The following NLRP14 variants were observed in gnomAD, a reference collection of about 807,000 sequenced individuals.
NLRP14 encodes NLR family pyrin domain containing 14.
A neutral mutation model predicts 94.7 loss-of-function variants in NLRP14; 105 were observed. The ratio of observed to expected loss-of-function variants is 1.11; its 90% CI spans 0.95 to 1.30. The LOEUF (loss-of-function observed/expected upper bound fraction) is 1.30, where lower values mean the gene tolerates loss of function less well. Ranked by LOEUF, NLRP14 falls within the 50% of genes most tolerant of loss-of-function variation. The pLI, the probability that NLRP14 is intolerant of heterozygous loss-of-function variation, is 0.00. For missense variants in NLRP14, 1,362 were observed against 1,254.1 expected, an observed-to-expected ratio of 1.09 and a Z score of -1.30; for synonymous variants, 508 against 459.9, an observed-to-expected ratio of 1.10 and a Z score of -1.34.
chr11:7,060,034 G>A lies in NLRP14; in HGVS notation c.2774G>A (p.Arg925Gln), dbSNP rs371450991. Residue 925 changes from arginine to glutamine, a missense_variant, in exon 9 of 12, where the codon CGG becomes CAG. Transcript: ENST00000299481. The part of the protein sequence containing the change: ...NGVKLLCDVF[R>Q]HPSCNLQDLE... ...GTGAAGCTTCTGTGTGATGTCTTTC[G>A]GCATCCAAGCTGTAATCTTCAGGAC... is the stretch of plus-strand genomic sequence containing the variant. 8.6e-5 allele frequency: 139 copies of A among 1,612,526 alleles called. No homozygotes were observed. In the Middle Eastern group the frequency reaches 2.0e-3, roughly 23 times the overall value.
chr11:7,050,356 G>A (rs1393740759), intron 6 of NLRP14, among the ~76,000 whole-genome samples: 3 of 152,248 alleles, frequency 2.0e-5, no homozygotes, highest in Middle Eastern at 3.4e-3. Flanking sequence ...GTGCTTGCTG[G>A]CTACCACACA....
At chr11:7,039,357 T>TTATA (rs10533835) in intron 2 of NLRP14, among the ~76,000 whole-genome samples, 1 of 150,626 alleles carries the variant, frequency 6.6e-6, no homozygotes, top group African/African-American at 2.4e-5. Flanking sequence ...GGCTTTAGAG[T>TTATA]TATATATATA....
chr11:7,046,582 C>T, intron 4 of NLRP14, 86 bp from the exon 5 acceptor site: 1 of 1,304,224 alleles, frequency 7.7e-7, no homozygotes, highest in Non-Finnish European at 1.1e-6. Context: ...AGTACACTTA[C>T]TTTTACTCCA....
intron 9 of NLRP14, among the ~76,000 whole-genome samples, chr11:7,061,645 G>A (rs1467469798): frequency 6.6e-6 from 1 of 152,008 alleles, no homozygotes; most frequent in Non-Finnish European, 1.5e-5. Flanking sequence ...TTGTTATAAG[G>A]ATATGACAAC....
intron 1 of NLRP14, among the ~76,000 whole-genome samples, chr11:7,027,407 C>G (rs1325931599): frequency 6.6e-6 from 1 of 151,978 alleles, no homozygotes; most frequent in East Asian, 1.9e-4. Flanking sequence ...TTGTAGAGTC[C>G]TCACATGGCA....
chr11:7,045,482 A>G (rs1000585261), intron 4 of NLRP14, among the ~76,000 whole-genome samples: 1 of 152,214 alleles, frequency 6.6e-6, no homozygotes, highest in African/African-American at 2.4e-5. Context: ...AGTCTCTTCT[A>G]TAATATAACT....
intron 1 of NLRP14, among the ~76,000 whole-genome samples, chr11:7,026,224 C>T (rs961719653): frequency 6.6e-6 from 1 of 152,086 alleles, no homozygotes; most frequent in African/African-American, 2.4e-5. Flanking sequence ...AGGCAACCTA[C>T]AGAATGGGAG....
At chr11:7,076,787 C>A in the NLRP14 span, among the ~76,000 whole-genome samples, 3 of 152,170 alleles carry the variant, frequency 2.0e-5, no homozygotes, top group Admixed American at 6.5e-5. Context: ...AAACCATGAG[C>A]CTTTTCTTCA....
chr11:7,088,612 G>A, the NLRP14 span, among the ~76,000 whole-genome samples: 1 of 151,668 alleles, frequency 6.6e-6, no homozygotes, highest in Non-Finnish European at 1.5e-5. Flanking sequence ...AGATCAGTAA[G>A]GTAAAATTTA....
At chr11:7,089,105 CGT>C in the NLRP14 span, 1 of 1,610,950 alleles carries the variant, frequency 6.2e-7, no homozygotes, top group Non-Finnish European at 8.5e-7. Flanking sequence ...ACTGACCGAC[CGT>C]TCGACCGGCA....
intron 9 of NLRP14, among the ~76,000 whole-genome samples, chr11:7,061,388 A>T (rs1473302311): frequency 6.6e-6 from 1 of 152,076 alleles, no homozygotes; most frequent in Non-Finnish European, 1.5e-5. Context: ...AGTGACCTAT[A>T]TACCCAAGGT....
At chr11:7,044,472 G>T (rs970330022) in intron 4 of NLRP14, among the ~76,000 whole-genome samples, 1 of 152,176 alleles carries the variant, frequency 6.6e-6, no homozygotes, top group Admixed American at 6.5e-5. Flanking sequence ...TTTCTCTATT[G>T]CCCAGACATT....
At chr11:7,025,458 C>A (rs1304752281) in intron 1 of NLRP14, among the ~76,000 whole-genome samples, 1 of 151,826 alleles carries the variant, frequency 6.6e-6, no homozygotes, top group Non-Finnish European at 1.5e-5. Flanking sequence ...AAATACCCCA[C>A]AAAAAATTAT....
chr11:7,056,959 C>T (rs769201533), intron 6 of NLRP14, among the ~76,000 whole-genome samples: 29 of 151,882 alleles, frequency 1.9e-4, no homozygotes, highest in Non-Finnish European at 3.5e-4. Flanking sequence ...ATTTTGATGA[C>T]GAGAAACAAT....
intron 10 of NLRP14, among the ~76,000 whole-genome samples, chr11:7,066,199 T>C (rs1381623281): frequency 2.6e-5 from 4 of 152,212 alleles, no homozygotes; most frequent in Admixed American, 6.5e-5. Flanking sequence ...AGTAGAATGA[T>C]TTCTTATCCT....
At chr11:7,044,963 A>G (rs1483626991) in intron 4 of NLRP14, among the ~76,000 whole-genome samples, 1 of 152,190 alleles carries the variant, frequency 6.6e-6, no homozygotes, top group Non-Finnish European at 1.5e-5. Context: ...TGATAGTCTT[A>G]TTAGGTAGGT....
chr11:7,033,278 A>G (rs1021643772), intron 1 of NLRP14, among the ~76,000 whole-genome samples: 3 of 152,228 alleles, frequency 2.0e-5, no homozygotes, highest in Non-Finnish European at 4.4e-5. Context: ...TAAGAACTTT[A>G]ATTGCTCTGT....
intron 1 of NLRP14, among the ~76,000 whole-genome samples, chr11:7,022,538 T>A (rs1851961884): frequency 6.6e-6 from 1 of 152,220 alleles, no homozygotes; most frequent in Admixed American, 6.5e-5. Context: ...GCCAAGATCC[T>A]GATGAAAAGG....
At chr11:7,035,552 C>A (rs1004766793) in intron 1 of NLRP14, among the ~76,000 whole-genome samples, 2 of 152,108 alleles carry the variant, frequency 1.3e-5, no homozygotes, top group African/African-American at 4.8e-5. Flanking sequence ...AAATATCCAG[C>A]CTAAAATGTC....
Sources: gnomAD v4.1 joint callset for allele counts (sites outside exome capture counted in the v4.1 genomes callset) on GRCh38, gnomAD v4.1.1 for gene constraint, MANE v1.5 for transcripts, NCBI Gene and HGNC (gene_info 2026-07-23, HGNC 2026-07-21) for gene names.